Variants in ACVR2A observed in about 807,000 individuals in gnomAD.
ACVR2A encodes activin A receptor type 2A, also known as activin receptor type-2A.
Under a neutral mutation model 61.4 loss-of-function variants are expected in ACVR2A, and 7 were observed. The observed-to-expected ratio is 0.11, with a 90% CI of 0.06 to 0.21. The LOEUF is 0.21. Among genes scored for constraint, ACVR2A ranks in the 10% least tolerant of loss-of-function variants. ACVR2A has a pLI of 1.00. For synonymous variants in ACVR2A, 193 were observed against 208.3 expected, an observed-to-expected ratio of 0.93 and a Z score of 0.63; for missense variants, 322 against 621.7, an observed-to-expected ratio of 0.52 and a Z score of 5.13.
chr2:147,861,149 A>G (rs950352050), intron 1 of ACVR2A, among the ~76,000 whole-genome samples: 3 of 152,194 alleles, frequency 2.0e-5, no homozygotes, highest in African/African-American at 4.8e-5. Context: ...ATAAATATTA[A>G]TTGCTGATGC....
At chr2:147,892,185 T>C (rs1200490407) in intron 1 of ACVR2A, among the ~76,000 whole-genome samples, 1 of 152,066 alleles carries the variant, frequency 6.6e-6, no homozygotes, top group Non-Finnish European at 1.5e-5. Flanking sequence ...TTGGCCAGGC[T>C]GGTCTCAAAC....
At position 147,915,257 on chromosome 2, in the gene ACVR2A, G is replaced by C. The variant is rs774344717; in HGVS notation, c.595G>C (p.Ala199Pro). The change falls in exon 5 of 11, where the codon GCA becomes CCA. Residue 199 changes from alanine (A) to proline (P), a missense_variant. Physicochemically the swap from Ala to Pro is conservative, Grantham distance 27. This residue lies in a region of ACVR2A where 146 missense variants were observed against 383.8 expected (regional missense o/e 0.38). Coordinates refer to ENST00000241416, the MANE Select transcript of ACVR2A (RefSeq NM_001616.5). ...ACCACTGCAGTTATTAGAAGTGAAA[G>C]CAAGGGGAAGATTTGGTTGTGTCTG... ...LKPLQLLEVK[A>P]RGRFGCVWKA... 6.2e-7 allele frequency: 1 copy of C among 1,612,428 alleles called. No homozygotes were observed.
At chr2:147,871,141 C>T (rs1686002975) in intron 1 of ACVR2A, among the ~76,000 whole-genome samples, 3 of 152,042 alleles carry the variant, frequency 2.0e-5, no homozygotes, top group African/African-American at 7.2e-5. Context: ...AGCTCAGTCT[C>T]CTGTCCTGTG....
chr2:147,853,447 T>A (rs939341698), intron 1 of ACVR2A, among the ~76,000 whole-genome samples: 1 of 152,094 alleles, frequency 6.6e-6, no homozygotes, highest in African/African-American at 2.4e-5. Context: ...TAAAATACAC[T>A]GTTCTAAGGA....
intron 5 of ACVR2A, 59 bp downstream of exon 5, chr2:147,915,393 C>T (rs528326113): frequency 6.3e-7 from 1 of 1,593,796 alleles, no homozygotes; most frequent in African/African-American, 1.4e-5. Context: ...GTCATCATAA[C>T]TCAGAAATAG....
At chr2:147,897,953 C>G (rs1227333030) in intron 2 of ACVR2A, among the ~76,000 whole-genome samples, 4 of 152,032 alleles carry the variant, frequency 2.6e-5, no homozygotes, top group Non-Finnish European at 5.9e-5. Context: ...CATCTTTATC[C>G]CAAACTATCT....
intron 9 of ACVR2A, among the ~76,000 whole-genome samples, chr2:147,924,491 G>T (rs1430743454): frequency 6.6e-6 from 1 of 151,960 alleles, no homozygotes; most frequent in Non-Finnish European, 1.5e-5. Flanking sequence ...GTTTAGGGGA[G>T]AAATTGCTTT....
chr2:147,868,576 C>G (rs1180673581), intron 1 of ACVR2A, among the ~76,000 whole-genome samples: 1 of 151,758 alleles, frequency 6.6e-6, no homozygotes, highest in Non-Finnish European at 1.5e-5. Context: ...TTCCCTGCCC[C>G]CCCCAAGGTT....
intron 4 of ACVR2A, among the ~76,000 whole-genome samples, chr2:147,905,521 G>A (rs1686968074): frequency 6.6e-6 from 1 of 151,784 alleles, no homozygotes; most frequent in Admixed American, 6.6e-5. Flanking sequence ...TTTGAAATAT[G>A]ACATAATGCT....
At chr2:147,851,969 T>C (rs1685459948) in intron 1 of ACVR2A, among the ~76,000 whole-genome samples, 1 of 152,086 alleles carries the variant, frequency 6.6e-6, no homozygotes. Flanking sequence ...TTTTTCCTAC[T>C]CTGAAAGCTT....
intron 1 of ACVR2A, among the ~76,000 whole-genome samples, chr2:147,850,865 T>C (rs769518804): frequency 3.9e-4 from 59 of 152,134 alleles, no homozygotes; most frequent in Admixed American, 1.3e-3. Flanking sequence ...AAAGGAAATA[T>C]GTTTTTGTCT....
chr2:147,888,944 TG>T (rs1686510828), intron 1 of ACVR2A, among the ~76,000 whole-genome samples: 1 of 152,184 alleles, frequency 6.6e-6, no homozygotes, highest in Admixed American at 6.6e-5. Context: ...GTAGGTTTTT[TG>T]GTAGGTGCTT....
In ACVR2A at chr2:147,918,434, C is replaced by T. The variant is rs1237233093; in HGVS notation, c.817-13C>T. Reference sequence around the variant, plus strand: ...TCAAGAACATAAGTTTCTTTTTTTCCCTCTTTTTTTAGGGTTCACTATCAG... The same window carrying T: ...TCAAGAACATAAGTTTCTTTTTTTCTCTCTTTTTTTAGGGTTCACTATCAG... On this transcript the variant is annotated splice_polypyrimidine_tract_variant and intron_variant, in intron 6 of 10. Coordinates refer to ENST00000241416, the MANE Select transcript of ACVR2A (RefSeq NM_001616.5). 11 of 1,585,994 alleles carry T rather than the reference C, an allele frequency of 6.9e-6. No individual in the cohort carries two copies. Among genetic ancestry groups the T allele is most frequent in the South Asian group, 1.2e-5 (1 of 85,516 alleles).
chr2:147,903,883 ATCAT>A (rs1161975379), intron 4 of ACVR2A, among the ~76,000 whole-genome samples: 1 of 152,122 alleles, frequency 6.6e-6, no homozygotes. Context: ...GTATGGAATA[ATCAT>A]TCAGTAAGTG....
Position 147,899,578 on chromosome 2 carries a change from AG to A in ACVR2A, c.373+14del. On this transcript the variant is annotated intron_variant, in intron 3 of 10. Coordinates refer to ENST00000241416, the MANE Select transcript of ACVR2A (RefSeq NM_001616.5). ...TGGAAGTCACACAGCGTAAGTTCACAGGGAAAATACGTAGGTTTGCTCAACT... is the reference window on the plus strand; with the variant it reads ...TGGAAGTCACACAGCGTAAGTTCACAGGAAAATACGTAGGTTTGCTCAACT... 6.2e-7 allele frequency: 1 copy of A among 1,607,002 alleles called. No individual in the cohort carries two copies.
At chr2:147,870,492 T>A (rs1178547725) in intron 1 of ACVR2A, among the ~76,000 whole-genome samples, 1 of 152,178 alleles carries the variant, frequency 6.6e-6, no homozygotes, top group Non-Finnish European at 1.5e-5. Context: ...TTCGTACAAT[T>A]CTTTGGCCTG....
At chr2:147,892,800 A>G (rs992621659) in intron 1 of ACVR2A, among the ~76,000 whole-genome samples, 4 of 151,852 alleles carry the variant, frequency 2.6e-5, no homozygotes, top group African/African-American at 9.7e-5. Flanking sequence ...AAAAAAAGGA[A>G]TAGTATTTTA....
chr2:147,921,249 T>C (rs370085568), intron 8 of ACVR2A, among the ~76,000 whole-genome samples: 5 of 152,060 alleles, frequency 3.3e-5, no homozygotes, highest in African/African-American at 1.2e-4. Flanking sequence ...TGGCCAGGCT[T>C]GTATCGAGCT....
Position 147,899,733 on chromosome 2 carries a change from C to T in ACVR2A, c.374-11C>T. 1 of 1,610,906 alleles carries T rather than the reference C, an allele frequency of 6.2e-7. No homozygotes were observed. Among genetic ancestry groups the T allele is most frequent in the East Asian group, 2.2e-5 (1 of 44,832 alleles). On this transcript the variant is annotated splice_polypyrimidine_tract_variant and intron_variant, in intron 3 of 10. Transcript: ENST00000241416. ...CCAAATCTGAGTTATTTTTCCCCCCCTTTTCCACAGCCACTTCAAATCCAG... is the reference window on the plus strand; with the variant it reads ...CCAAATCTGAGTTATTTTTCCCCCCTTTTTCCACAGCCACTTCAAATCCAG...
Sources: allele counts gnomAD v4.1 joint callset (sites outside exome capture counted in the v4.1 genomes callset), GRCh38; gene constraint gnomAD v4.1.1; regional missense constraint gnomAD v4.1.1; transcripts MANE v1.5; gene names NCBI Gene and HGNC (gene_info 2026-07-23, HGNC 2026-07-21).